Variants in CSMD3 observed in about 807,000 individuals in gnomAD.
CSMD3 encodes the protein CUB and sushi domain-containing protein 3.
A neutral mutation model predicts 435.2 loss-of-function variants in CSMD3; 177 were observed. The ratio of observed to expected loss-of-function variants is 0.41; its 90% confidence interval spans 0.36 to 0.46. CSMD3 has a LOEUF of 0.46. CSMD3 is among the 20% of genes least tolerant of loss of function. CSMD3 has a pLI of 0.34. For missense variants in CSMD3, 4,265 were observed against 4,504.6 expected (o/e 0.95, Z 1.52); for synonymous variants, 1,656 against 1,520.5 (o/e 1.09, Z -2.07).
chr8:113,427,840 T>C (rs553256397), intron 1 of CSMD3, among the ~76,000 whole-genome samples: 31 of 151,678 alleles, frequency 2.0e-4, no homozygotes, highest in African/African-American at 7.5e-4. Flanking sequence ...AAGGTTAAGA[T>C]ACCAAGTAAA....
chr8:112,975,791 G>T (rs2084823064), intron 7 of CSMD3, 46 bp downstream of exon 7: 2 of 1,611,008 alleles, frequency 1.2e-6, no homozygotes, highest in Non-Finnish European at 1.7e-6. Flanking sequence ...CCAAAATATA[G>T]CTTTGGCTGT....
intron 38 of CSMD3, among the ~76,000 whole-genome samples, chr8:112,360,136 A>G (rs973791183): frequency 1.3e-5 from 2 of 152,032 alleles, no homozygotes; most frequent in Non-Finnish European, 2.9e-5. Flanking sequence ...GTACAATTTT[A>G]GTTTCTTGGG....
chr8:112,893,265 T>C (rs964330957), intron 10 of CSMD3, among the ~76,000 whole-genome samples: 1 of 151,506 alleles, frequency 6.6e-6, no homozygotes, highest in Non-Finnish European at 1.5e-5. Context: ...ATTAAAGTTT[T>C]AGTTAGATTC....
chr8:112,477,789 G>A (rs1053598336), intron 31 of CSMD3, among the ~76,000 whole-genome samples: 4 of 152,084 alleles, frequency 2.6e-5, no homozygotes, highest in African/African-American at 7.2e-5. Context: ...ACCTAGTCTC[G>A]AATATTCCTT....
intron 7 of CSMD3, among the ~76,000 whole-genome samples, chr8:112,965,733 T>A (rs1285024968): frequency 1.3e-5 from 2 of 151,948 alleles, no homozygotes; most frequent in African/African-American, 4.8e-5. Context: ...ATAAACCCGT[T>A]AACAAGTAAA....
At chr8:113,010,898 G>T (rs1425758213) in intron 6 of CSMD3, among the ~76,000 whole-genome samples, 2 of 151,442 alleles carry the variant, frequency 1.3e-5, no homozygotes, top group East Asian at 1.9e-4. Context: ...TTGTATAAGG[G>T]ATTCTCTAAT....
intron 10 of CSMD3, among the ~76,000 whole-genome samples, chr8:112,876,344 C>A (rs974969814): frequency 6.8e-6 from 1 of 147,842 alleles, no homozygotes; most frequent in African/African-American, 2.5e-5. Context: ...CCAGCATCAT[C>A]CTGATACCAA....
At position 113,212,959 on chromosome 8, in the gene CSMD3, A is replaced by G. The variant is rs558491416; in HGVS notation, c.515-39043T>C. Reference sequence around the variant, plus strand: ...GATGTACCTAACCTGGGAAGTGACTATAACAATTTCTAAATTCAGGGGACA... The same window carrying G: ...GATGTACCTAACCTGGGAAGTGACTGTAACAATTTCTAAATTCAGGGGACA... On this transcript the variant is annotated intron_variant, in intron 3 of 70. Coordinates refer to ENST00000297405, the MANE Select transcript of CSMD3 (RefSeq NM_198123.2). Among the ~76,000 whole-genome samples the G allele has an allele frequency of 4.6e-5, 7 of 151,136 alleles. No individual in the cohort carries two copies. The East Asian group carries it at 5.8e-4, about 13-fold the overall frequency.
chr8:112,955,173 A>G (rs1206812145), intron 7 of CSMD3, among the ~76,000 whole-genome samples: 1 of 151,720 alleles, frequency 6.6e-6, no homozygotes, highest in African/African-American at 2.4e-5. Flanking sequence ...TTTAAAATAA[A>G]TTTCCTAAAA....
intron 17 of CSMD3, among the ~76,000 whole-genome samples, chr8:112,661,561 A>T (rs2075380149): frequency 6.6e-6 from 1 of 152,158 alleles, no homozygotes; most frequent in African/African-American, 2.4e-5. Flanking sequence ...GAGCTGAAAG[A>T]TACTAGGTGT....
At chr8:112,593,456 G>T (rs571391012) in intron 22 of CSMD3, among the ~76,000 whole-genome samples, 67 of 152,316 alleles carry the variant, frequency 4.4e-4, no homozygotes, top group Non-Finnish European at 7.6e-4. Context: ...AAGACAATGA[G>T]TGGCTTTGAT....
At chr8:112,909,641 C>T (rs1227972849) in intron 10 of CSMD3, among the ~76,000 whole-genome samples, 8 of 151,624 alleles carry the variant, frequency 5.3e-5, no homozygotes, top group Non-Finnish European at 1.2e-4. Context: ...CTACATTTGT[C>T]GTGTCTTATT....
chr8:112,702,781 T>C (rs2076416629), intron 13 of CSMD3, among the ~76,000 whole-genome samples: 1 of 152,056 alleles, frequency 6.6e-6, no homozygotes, highest in African/African-American at 2.4e-5. Context: ...CTGATCGCTA[T>C]GTGATGGCTG....
chr8:112,240,930 G>A (rs1201512423), intron 66 of CSMD3, among the ~76,000 whole-genome samples: 1 of 151,938 alleles, frequency 6.6e-6, no homozygotes, highest in East Asian at 1.9e-4. Flanking sequence ...GCTCCTACTT[G>A]TCTTCCTCCA....
intron 13 of CSMD3, among the ~76,000 whole-genome samples, chr8:112,772,414 G>A (rs1239719423): frequency 6.6e-6 from 1 of 152,114 alleles, no homozygotes; most frequent in African/African-American, 2.4e-5. Flanking sequence ...CAGCATGCTT[G>A]TTAACAGTCA....
rs192455427 is a variant in CSMD3, at chr8:112,492,217, A to T, written c.5278+272T>A. Among the ~76,000 whole-genome samples the T allele has an allele frequency of 2.0e-5, 3 of 152,272 alleles. No homozygotes were observed. In the East Asian group the frequency reaches 5.8e-4, roughly 29 times the overall value. ...CAGGTGCAAGTCCTGAAGGCACACA[A>T]ATTAGCATAACAGGCAGTAACCCAG... On this transcript the variant is annotated intron_variant, in intron 31 of 70. Coordinates refer to ENST00000297405, the MANE Select transcript of CSMD3 (RefSeq NM_198123.2).
chr8:113,226,430 T>C (rs1309856222), intron 3 of CSMD3, among the ~76,000 whole-genome samples: 1 of 151,554 alleles, frequency 6.6e-6, no homozygotes, highest in African/African-American at 2.4e-5. Context: ...ATCCTATCCT[T>C]GCAAGTCAAA....
chr8:112,495,132 G>A (rs1029084720), intron 30 of CSMD3, among the ~76,000 whole-genome samples: 2 of 152,120 alleles, frequency 1.3e-5, no homozygotes, highest in Non-Finnish European at 2.9e-5. Context: ...GGGTTGATTT[G>A]TTTATTTATA....
chr8:112,618,252 A>T (rs1833804383), intron 22 of CSMD3, among the ~76,000 whole-genome samples: 2 of 152,236 alleles, frequency 1.3e-5, no homozygotes, highest in South Asian at 4.1e-4. Flanking sequence ...TAAACAGAAG[A>T]CTTCCAATTC....
Sources: allele counts gnomAD v4.1 joint callset (sites outside exome capture counted in the v4.1 genomes callset), GRCh38; gene constraint gnomAD v4.1.1; transcripts MANE v1.5; gene names NCBI Gene and HGNC (gene_info 2026-07-23, HGNC 2026-07-21).